ATP9B: variants seen among roughly 807,000 people sequenced by gnomAD.
ATP9B encodes ATPase phospholipid transporting 9B, also known as probable phospholipid-transporting ATPase IIB.
Under a neutral mutation model 146.1 loss-of-function variants are expected in ATP9B, and 110 were observed. The ratio of observed to expected loss-of-function variants is 0.75; its 90% CI spans 0.65 to 0.88. The LOEUF (loss-of-function observed/expected upper bound fraction) is 0.88. ATP9B is among the 40% of genes least tolerant of loss of function. ATP9B has a pLI of 0.00. For missense variants in ATP9B, 1,499 were observed against 1,496.4 expected (o/e 1.00, Z -0.03); for synonymous variants, 604 against 569.7 (o/e 1.06, Z -0.86).
chr18:79,114,060 TC>T (rs762822997), intron 4 of ATP9B, among the ~76,000 whole-genome samples: 2 of 152,188 alleles, frequency 1.3e-5, no homozygotes, highest in Non-Finnish European at 2.9e-5. Context: ...AACCTCCGCC[TC>T]CCGGGTGCAA....
At position 79,263,946 on chromosome 18, in the gene ATP9B, G is replaced by A. The variant is rs552458506; in HGVS notation, c.1268+10405G>A. Among the ~76,000 whole-genome samples, 32 of 152,272 alleles carry A rather than the reference G, an allele frequency of 2.1e-4. No homozygotes were observed. The South Asian group carries it at 4.6e-3, about 22-fold the overall frequency. On this transcript the variant is annotated intron_variant, in intron 12 of 29. Coordinates refer to ENST00000426216, the MANE Select transcript of ATP9B (RefSeq NM_198531.5). ...AAAAAATACAAAAAATTAGCCGGGC[G>A]TGGTAGCGGGTGCCTGTAGTCCCAG...
intron 17 of ATP9B, 135 bp from the exon 18 acceptor site, chr18:79,336,493 T>C (rs2096827806): frequency 4.2e-6 from 3 of 716,860 alleles, no homozygotes; most frequent in Non-Finnish European, 7.2e-6. Flanking sequence ...GAGTTGTCTC[T>C]GGCCTTGGTG....
At chr18:79,337,245 G>A (rs375820193) in intron 18 of ATP9B, 34 bp from the exon 19 acceptor site, 73 of 1,602,530 alleles carry the variant, frequency 4.6e-5, no homozygotes, top group South Asian at 1.4e-4. Flanking sequence ...GCACGTACAC[G>A]TGTGCACACA....
chr18:79,253,639 A>T, intron 12 of ATP9B, 98 bp downstream of exon 12: 2 of 1,294,260 alleles, frequency 1.5e-6, no homozygotes, highest in Non-Finnish European at 2.1e-6. Context: ...ACCCAAACAA[A>T]GCTAGAGAAG....
At chr18:79,186,553 A>G (rs1451664373) in intron 8 of ATP9B, among the ~76,000 whole-genome samples, 1 of 152,184 alleles carries the variant, frequency 6.6e-6, no homozygotes, top group Non-Finnish European at 1.5e-5. Flanking sequence ...TTTGAAAATT[A>G]CTGTGACAGT....
In ATP9B at chr18:79,337,404, A is replaced by T; in HGVS notation, c.2238A>T (p.Ala746=). 1 of 1,613,732 alleles carries T rather than the reference A, an allele frequency of 6.2e-7. No homozygotes were observed. The change falls in exon 19 of 30, where the codon GCA becomes GCT. Residue 746 remains alanine (A), a synonymous_variant. Transcript: ENST00000426216. ...CLTGVEDQLQ[A]DVRPTLEMLR... ...CCGGCGTGGAGGACCAGCTGCAGGC[A>T]GACGTGCGGCCCACGCTGGAGATGC... is the stretch of plus-strand genomic sequence containing the variant.
chr18:79,078,890 T>A (rs1440228638), intron 1 of ATP9B, among the ~76,000 whole-genome samples: 3 of 152,166 alleles, frequency 2.0e-5, no homozygotes, highest in African/African-American at 7.2e-5. Context: ...CAACTCCCAT[T>A]TATGAGTGAG....
chr18:79,230,863 T>G (rs2095784552), intron 11 of ATP9B, among the ~76,000 whole-genome samples: 1 of 152,110 alleles, frequency 6.6e-6, no homozygotes, highest in South Asian at 2.1e-4. Context: ...TAAAGCCAAA[T>G]ACTTATAGTC....
Position 79,239,274 on chromosome 18 carries a change from C to T in ATP9B, c.1108-14107C>T, listed in dbSNP as rs774646167. 2.0e-5 allele frequency among the ~76,000 whole-genome samples: 3 copies of T among 152,220 alleles called. No homozygotes were observed. Among genetic ancestry groups the T allele is most frequent in the Non-Finnish European group, 4.4e-5 (3 of 68,038 alleles). ...GACCACCGCGTGTGCCCCTTCAGCC[C>T]TCTTATTTCCACCGCTCCACAATTC... On this transcript the variant is annotated intron_variant, in intron 11 of 29. Transcript: ENST00000426216. The surrounding 1 kb of genome is among the most constrained non-coding windows in gnomAD (Gnocchi z 5.1).
chr18:79,187,983 T>G (rs1185646312), intron 8 of ATP9B, among the ~76,000 whole-genome samples: 1 of 152,170 alleles, frequency 6.6e-6, no homozygotes, highest in Non-Finnish European at 1.5e-5. Context: ...CCAGTCCCTT[T>G]AAGAAGAGAT....
chr18:79,157,792 G>C (rs536424854), intron 7 of ATP9B, among the ~76,000 whole-genome samples: 7 of 152,182 alleles, frequency 4.6e-5, no homozygotes, highest in Non-Finnish European at 8.8e-5. Context: ...ATCTGCGGCC[G>C]TGCAGTTGTT....
intron 13 of ATP9B, among the ~76,000 whole-genome samples, chr18:79,283,657 C>A (rs750327439): frequency 1.3e-5 from 2 of 152,184 alleles, no homozygotes; most frequent in Non-Finnish European, 2.9e-5. Flanking sequence ...CTGTGGCCAC[C>A]AGTGCATGAA....
chr18:79,294,077 C>G (rs924281725), intron 13 of ATP9B, among the ~76,000 whole-genome samples: 5 of 152,144 alleles, frequency 3.3e-5, no homozygotes, highest in African/African-American at 1.2e-4. Flanking sequence ...GGACATCTAA[C>G]TAAAGCACTG....
intron 29 of ATP9B, chr18:79,375,922 A>G: frequency 1.0e-6 from 1 of 985,300 alleles, no homozygotes; most frequent in Non-Finnish European, 1.2e-6. Context: ...AAGTATGTAA[A>G]TCTCCAGTTT....
chr18:79,145,466 G>C lies in ATP9B; in HGVS notation c.726+1606G>C, dbSNP rs57711857. 6.6e-3 allele frequency: 796 copies of C among 120,226 alleles called. 38 individuals are homozygous for C. Among genetic ancestry groups the C allele is most frequent in the African/African-American group, 0.037 (747 of 20,436 alleles). The allele number at this position is 120,226 out of a possible 1,614,324, so 7.4% of individuals were successfully genotyped here. On this transcript the variant is annotated intron_variant, in intron 6 of 29. Coordinates refer to ENST00000426216, the MANE Select transcript of ATP9B (RefSeq NM_198531.5). Reference sequence around the variant, plus strand: ...TGCAGGCTGCATGTCGGGGCTGCTGGCGGTGTGCAGAGTGACTGAAGGTGC... The same window carrying C: ...TGCAGGCTGCATGTCGGGGCTGCTGCCGGTGTGCAGAGTGACTGAAGGTGC...
chr18:79,286,403 G>A (rs1257324807), intron 13 of ATP9B, among the ~76,000 whole-genome samples: 1 of 150,436 alleles, frequency 6.6e-6, no homozygotes, highest in Non-Finnish European at 1.5e-5. Flanking sequence ...GTTCACTCAT[G>A]ATTTGGCTCT....
At position 79,358,744 on chromosome 18, in the gene ATP9B, A is replaced by G. The variant is rs1198220670; in HGVS notation, c.2904-610A>G. ...GTGTCCGTGTGAGGGACCCTGTGTG[A>G]GGGATGCTCTGGGTCTGGAGGTGTC... On this transcript the variant is annotated intron_variant, in intron 25 of 29. Transcript: ENST00000426216. Among the ~76,000 whole-genome samples, 330 of 54,738 alleles carry G rather than the reference A, an allele frequency of 6.0e-3. 5 individuals are homozygous for G. The highest frequency in any genetic ancestry group is 9.8e-3 in the Non-Finnish European group (276 of 28,076). 35.9% of individuals were successfully genotyped at this position (54,738 alleles called of 152,430 possible).
intron 15 of ATP9B, among the ~76,000 whole-genome samples, chr18:79,312,140 G>T (rs1191703232): frequency 1.3e-5 from 2 of 152,178 alleles, no homozygotes; most frequent in African/African-American, 4.8e-5. Context: ...CTTCGCGGAG[G>T]TGCTGGTCTT....
intron 12 of ATP9B, among the ~76,000 whole-genome samples, chr18:79,276,359 C>T (rs557319425): frequency 6.6e-6 from 1 of 152,244 alleles, no homozygotes; most frequent in Admixed American, 6.5e-5. Flanking sequence ...TCTTACTACA[C>T]GGACTTAAAT....
Sources: allele counts gnomAD v4.1 joint callset (sites outside exome capture counted in the v4.1 genomes callset), GRCh38; gene constraint gnomAD v4.1.1; non-coding constraint Gnocchi (gnomAD v3.1); transcripts MANE v1.5; gene names NCBI Gene and HGNC (gene_info 2026-07-23, HGNC 2026-07-21).